The following WNK2 variants were observed in gnomAD, a reference collection of about 807,000 sequenced individuals.
WNK2 encodes serine/threonine-protein kinase WNK2.
WNK2 carries 67 observed loss-of-function variants against 192.1 expected under a neutral mutation model. The observed-to-expected ratio is 0.35, with a 90% CI of 0.29 to 0.43. The LOEUF (loss-of-function observed/expected upper bound fraction) is 0.43, where lower values mean the gene tolerates loss of function less well. Among genes scored for constraint, WNK2 ranks in the 20% least tolerant of loss-of-function variants. The pLI is 1.00. For missense variants in WNK2, 2,698 were observed against 3,089.7 expected (o/e 0.87, Z 3.01); for synonymous variants, 1,439 against 1,393.9 (o/e 1.03, Z -0.72).
intron 14 of WNK2, chr9:93,263,140 A>T (rs1844567573): frequency 5.4e-6 from 2 of 373,142 alleles, no homozygotes; most frequent in South Asian, 5.8e-5. Flanking sequence ...CCGTGTCCTT[A>T]TTTGAACTGT....
At position 93,239,089 on chromosome 9, in the gene WNK2, G is replaced by A. The variant is rs1000388220; in HGVS notation, c.1323-668G>A. Among the ~76,000 whole-genome samples, 2 of 152,232 alleles carry A rather than the reference G, an allele frequency of 1.3e-5. No homozygotes were observed. Among genetic ancestry groups the A allele is most frequent in the African/African-American group, 4.8e-5 (2 of 41,456 alleles). The stretch of plus-strand genomic sequence containing the variant: ...AAGGGGGTTATAGGTTAGTGGTTAG[G>A]GAGGCTTCTTTGGGTGGCCAAGCCC... On this transcript the variant is annotated intron_variant, in intron 6 of 29. Coordinates refer to ENST00000427277, the MANE Select transcript of WNK2 (RefSeq NM_006648.4). This position sits in a 1 kb window ranked among gnomAD's most constrained non-coding sequence, Gnocchi z 4.2.
At chr9:93,306,499 C>G in intron 26 of WNK2, 1 of 410,848 alleles carries the variant, frequency 2.4e-6, no homozygotes, top group Non-Finnish European at 4.3e-6. Context: ...TTCTCTTTTA[C>G]TTTTCTTAGA....
intron 2 of WNK2, among the ~76,000 whole-genome samples, chr9:93,200,118 G>C (rs574820914): frequency 6.6e-6 from 1 of 152,202 alleles, no homozygotes; most frequent in South Asian, 2.1e-4. Flanking sequence ...TGCACACCAT[G>C]GGGGGTTGCA....
intron 2 of WNK2, among the ~76,000 whole-genome samples, chr9:93,205,870 C>T (rs756832797): frequency 1.3e-5 from 2 of 152,086 alleles, no homozygotes; most frequent in South Asian, 2.1e-4. Context: ...CTGGCAGCCT[C>T]TGGGCCAGTG....
intron 2 of WNK2, among the ~76,000 whole-genome samples, chr9:93,203,512 G>A (rs993427442): frequency 1.4e-4 from 22 of 151,926 alleles, no homozygotes; most frequent in Admixed American, 3.3e-4. Context: ...GAGTGGCTGC[G>A]GGGTCCAGGC....
Position 93,308,544 on chromosome 9 carries a change from A to T in WNK2, c.6476A>T (p.Glu2159Val), listed in dbSNP as rs1263102674. ...LKQTQKLQDM[E>V]AQAGWAAPGE... ...CAGACCCAGAAGCTGCAAGACATGG[A>T]GGCCCAGGCAGGCTGGGCTGCCCCT... The change falls in exon 28 of 30, where the codon GAG (glutamate) becomes GTG (valine). Residue 2159 changes from glutamate (E) to valine (V), a missense_variant. Transcript: ENST00000427277. The T allele has an allele frequency of 1.3e-6, 2 of 1,589,526 alleles. No homozygotes were observed. The highest frequency in any genetic ancestry group is 1.7e-5 in the Admixed American group (1 of 57,904).
intron 2 of WNK2, among the ~76,000 whole-genome samples, 198 bp downstream of exon 2, chr9:93,185,808 G>A (rs1320212958): frequency 6.6e-6 from 1 of 152,238 alleles, no homozygotes; most frequent in Non-Finnish European, 1.5e-5. Flanking sequence ...CTGTGTCCGT[G>A]CGCAGGTTGC....
intron 25 of WNK2, 23 bp downstream of exon 25, chr9:93,299,284 C>T: frequency 1.3e-6 from 2 of 1,547,458 alleles, no homozygotes. Context: ...TTGCCTGTCT[C>T]CGAGCATGTG....
intron 2 of WNK2, among the ~76,000 whole-genome samples, chr9:93,194,934 A>G (rs926450081): frequency 2.6e-5 from 4 of 152,192 alleles, no homozygotes; most frequent in African/African-American, 9.7e-5. Context: ...TGAATATTTA[A>G]GTGAAATAAG....
chr9:93,259,449 G>A lies in WNK2; in HGVS notation c.2901G>A (p.Val967=). 6.8e-7 allele frequency: 1 copy of A among 1,465,422 alleles called. No individual in the cohort carries two copies. Among genetic ancestry groups the A allele is most frequent in the Non-Finnish European group, 9.1e-7 (1 of 1,102,672 alleles). 90.8% of individuals were successfully genotyped at this position (1,465,422 alleles called of 1,614,324 possible). ...PPQPTLPPQP[V]LPPQPTRPPQ... Reference sequence around the variant, plus strand: ...AACCCACGCTGCCCCCTCAACCTGTGTTGCCCCCGCAACCCACACGGCCCC... The same window carrying A: ...AACCCACGCTGCCCCCTCAACCTGTATTGCCCCCGCAACCCACACGGCCCC... The change falls in exon 12 of 30, where the codon GTG becomes GTA. Residue 967 remains valine (V), a synonymous_variant. Transcript: ENST00000427277. The surrounding 1 kb of genome is among the most constrained non-coding windows in gnomAD (Gnocchi z 4.8).
Position 93,308,589 on chromosome 9 carries a change from G to A in WNK2, c.6516+5G>A. ...GCCCCTGGCGAGGCGCGGGCTGTGA[G>A]TGCGGGGCGGGTGGGGCGGGTGCTC... On this transcript the variant is annotated splice_donor_5th_base_variant and intron_variant, in intron 28 of 29. Transcript: ENST00000427277. The A allele has an allele frequency of 6.4e-7, 1 of 1,556,604 alleles. No individual in the cohort carries two copies. Among genetic ancestry groups the A allele is most frequent in the Non-Finnish European group, 8.7e-7 (1 of 1,149,672 alleles).
intron 19 of WNK2, among the ~76,000 whole-genome samples, chr9:93,281,456 CAG>C (rs1847723100): frequency 6.6e-6 from 1 of 151,988 alleles, no homozygotes; most frequent in Non-Finnish European, 1.5e-5. Context: ...TGTACACTGC[CAG>C]AGAGAGAATC....
intron 9 of WNK2, among the ~76,000 whole-genome samples, chr9:93,255,515 C>T (rs1485416474): frequency 6.6e-6 from 1 of 152,148 alleles, no homozygotes; most frequent in African/African-American, 2.4e-5. Flanking sequence ...TGCTGCCTTT[C>T]ATAAAGCACC....
intron 2 of WNK2, among the ~76,000 whole-genome samples, chr9:93,226,872 A>C (rs915847520): frequency 6.6e-6 from 1 of 151,832 alleles, no homozygotes; most frequent in African/African-American, 2.4e-5. Context: ...CCTGGCCCCA[A>C]ATGTTTCGGT....
chr9:93,308,275 G>A, intron 27 of WNK2, 53 bp from the exon 28 acceptor site: 1 of 1,521,690 alleles, frequency 6.6e-7, no homozygotes. Context: ...GCCCACTGGG[G>A]GCCTGGGTGC....
intron 19 of WNK2, among the ~76,000 whole-genome samples, chr9:93,270,954 G>A (rs1021816949): frequency 3.3e-5 from 5 of 152,178 alleles, no homozygotes; most frequent in African/African-American, 1.2e-4. Context: ...CTGTTCGAAG[G>A]TTTGGAAAGG....
rs755291370 is a variant in WNK2, at chr9:93,293,213, G to T, written c.5708+40G>T. ...CAGGAAGTGTTGCCCCCGCCCCTGG[G>T]CCATGGCACCCCTTCCCAGTTGTGA... On this transcript the variant is annotated intron_variant, in intron 23 of 29. Coordinates refer to ENST00000427277, the MANE Select transcript of WNK2 (RefSeq NM_006648.4). 2.8e-6 allele frequency: 4 copies of T among 1,409,190 alleles called. No homozygotes were observed. In the East Asian group the frequency reaches 1.1e-4, roughly 39 times the overall value. 87.3% of individuals were successfully genotyped at this position (1,409,190 alleles called of 1,614,324 possible).
Position 93,229,888 on chromosome 9 carries a change from G to A in WNK2, c.854+20G>A, listed in dbSNP as rs772836429. On this transcript the variant is annotated intron_variant, in intron 3 of 29. Transcript: ENST00000427277. The surrounding 1 kb of genome is among the most constrained non-coding windows in gnomAD (Gnocchi z 4.9). ...GAAGACGTAAGCTCCGCTTCCTGAG[G>A]GCTGGGGCGGGTCCTGGCATGGGTG... is the stretch of plus-strand genomic sequence containing the variant. 6.2e-7 allele frequency: 1 copy of A among 1,609,054 alleles called. No homozygotes were observed. The highest frequency in any genetic ancestry group is 1.1e-5 in the South Asian group (1 of 90,700).
chr9:93,309,019 A>G (rs1326184730), intron 28 of WNK2: 35 of 1,003,350 alleles, frequency 3.5e-5, no homozygotes, highest in South Asian at 4.5e-5. Flanking sequence ...GCTCACACGC[A>G]CCTGAGCCAA....
Sources: gnomAD v4.1 joint callset for allele counts (sites outside exome capture counted in the v4.1 genomes callset) on GRCh38, gnomAD v4.1.1 for gene constraint, Gnocchi (gnomAD v3.1) non-coding constraint, MANE v1.5 for transcripts, NCBI Gene and HGNC (gene_info 2026-07-23, HGNC 2026-07-21) for gene names.